The following PCSK2 variants were observed in gnomAD, a reference collection of about 807,000 sequenced individuals.
PCSK2 encodes neuroendocrine convertase 2.
PCSK2 carries 14 observed loss-of-function variants against 69.7 expected under a neutral mutation model. That is an observed-to-expected ratio of 0.20 (90% CI 0.13 to 0.31). The LOEUF (loss-of-function observed/expected upper bound fraction) is 0.31. PCSK2 is among the 10% of genes least tolerant of loss of function. The pLI, the probability that PCSK2 is intolerant of heterozygous loss-of-function variation, is 1.00. For missense variants in PCSK2, 544 were observed against 842.5 expected (o/e 0.65, Z 4.39); for synonymous variants, 307 against 320.7 (o/e 0.96, Z 0.46).
Position 17,434,773 on chromosome 20 carries a change from T to G in PCSK2, c.710-1935T>G, listed in dbSNP as rs2269010. Among the ~76,000 whole-genome samples the G allele has an allele frequency of 3.3e-5, 5 of 152,146 alleles. No homozygotes were observed. In the South Asian group the frequency reaches 1.0e-3, roughly 32 times the overall value. On this transcript the variant is annotated intron_variant, in intron 7 of 11. Coordinates refer to ENST00000262545, the MANE Select transcript of PCSK2 (RefSeq NM_002594.5). ...GTGGGCCATTCAGTCCTGGTCATCT[T>G]GGCACTAGGCAAGTTCAAGAGCATC...
chr20:17,263,064 G>A (rs1012589124), intron 2 of PCSK2: 1 of 788,602 alleles, frequency 1.3e-6, no homozygotes. Context: ...TCGCTTTCAG[G>A]GCTTCATCTA....
rs1182678090 is a variant in PCSK2, at chr20:17,453,247, A to G, written c.886-495A>G. 6.6e-6 allele frequency among the ~76,000 whole-genome samples: 1 copy of G among 152,190 alleles called. No homozygotes were observed. The highest frequency in any genetic ancestry group is 1.5e-5 in the Non-Finnish European group (1 of 68,028). ...TATATAGCTATTTAAAATAAAAGGT[A>G]TATATCTTCTATAAATGTTTTGTAT... On this transcript the variant is annotated intron_variant, in intron 8 of 11. Transcript: ENST00000262545. The surrounding 1 kb of genome is among the most constrained non-coding windows in gnomAD (Gnocchi z 4.0).
chr20:17,481,450 G>T, intron 11 of PCSK2, 134 bp from the exon 12 acceptor site: 1 of 598,140 alleles, frequency 1.7e-6, no homozygotes. Flanking sequence ...CACAGCCAGT[G>T]TGGGAACTAA....
At chr20:17,354,489 C>G (rs1276112785) in intron 2 of PCSK2, among the ~76,000 whole-genome samples, 1 of 152,130 alleles carries the variant, frequency 6.6e-6, no homozygotes, top group Non-Finnish European at 1.5e-5. Context: ...GGAAATATTT[C>G]TCTGACATTA....
chr20:17,425,127 G>A (rs1232292297), intron 6 of PCSK2, among the ~76,000 whole-genome samples: 1 of 152,090 alleles, frequency 6.6e-6, no homozygotes, highest in Admixed American at 6.5e-5. Context: ...AAAATGTTTG[G>A]CTTTGATAGA....
In PCSK2 at chr20:17,417,707, A is replaced by T. The variant is rs554827241; in HGVS notation, c.620+8368A>T. Among the ~76,000 whole-genome samples, 3 of 152,306 alleles carry T rather than the reference A, an allele frequency of 2.0e-5. No homozygotes were observed. The South Asian group carries it at 6.2e-4, about 32-fold the overall frequency. Reference sequence around the variant, plus strand: ...AGAATTTGAATAAAGCGTCCCTTCCATGAGTGTACGATATGTTTATTTCAA... The same window carrying T: ...AGAATTTGAATAAAGCGTCCCTTCCTTGAGTGTACGATATGTTTATTTCAA... On this transcript the variant is annotated intron_variant, in intron 6 of 11. Coordinates refer to ENST00000262545, the MANE Select transcript of PCSK2 (RefSeq NM_002594.5).
At chr20:17,438,631 A>G (rs1306831681) in intron 8 of PCSK2, among the ~76,000 whole-genome samples, 2 of 152,150 alleles carry the variant, frequency 1.3e-5, no homozygotes, top group Non-Finnish European at 2.9e-5. Flanking sequence ...GATCCCCTTT[A>G]CCAGGCCTGG....
At chr20:17,442,782 A>G (rs2032624409) in intron 8 of PCSK2, among the ~76,000 whole-genome samples, 1 of 152,186 alleles carries the variant, frequency 6.6e-6, no homozygotes, top group African/African-American at 2.4e-5. Flanking sequence ...AAGCCCTTTT[A>G]CGCCCCCTTC....
At chr20:17,289,270 C>T (rs930859442) in intron 2 of PCSK2, among the ~76,000 whole-genome samples, 1 of 152,014 alleles carries the variant, frequency 6.6e-6, no homozygotes, top group Non-Finnish European at 1.5e-5. Flanking sequence ...GATTTGTGTA[C>T]CTAAAACAAG....
chr20:17,246,137 G>T (rs111835896), intron 1 of PCSK2, among the ~76,000 whole-genome samples: 1 of 152,130 alleles, frequency 6.6e-6, no homozygotes, highest in Non-Finnish European at 1.5e-5. Flanking sequence ...TTGCAATCCA[G>T]GCATTCCGAG....
At chr20:17,230,776 T>C (rs761327767) in intron 1 of PCSK2, among the ~76,000 whole-genome samples, 42 of 152,370 alleles carry the variant, frequency 2.8e-4, no homozygotes, top group Non-Finnish European at 5.0e-4. Context: ...TTTAATTGTT[T>C]GTCAATTATT....
chr20:17,279,915 TTTTTA>T (rs1453086742), intron 2 of PCSK2, among the ~76,000 whole-genome samples: 25 of 152,332 alleles, frequency 1.6e-4, no homozygotes, highest in African/African-American at 5.8e-4. Context: ...CTTTTTTATT[TTTTTA>T]TTTTATTTTT....
chr20:17,353,810 T>C (rs1472169670), intron 2 of PCSK2, among the ~76,000 whole-genome samples: 1 of 152,216 alleles, frequency 6.6e-6, no homozygotes, highest in Non-Finnish European at 1.5e-5. Flanking sequence ...TGGAATACTA[T>C]GCAGCCATAA....
At chr20:17,392,399 C>T (rs2123274221) in intron 5 of PCSK2, among the ~76,000 whole-genome samples, 1 of 152,272 alleles carries the variant, frequency 6.6e-6, no homozygotes, top group African/African-American at 2.4e-5. Context: ...AATTTTCTAC[C>T]AGGAGAAGAG....
chr20:17,346,544 G>A (rs1990658451), intron 2 of PCSK2, among the ~76,000 whole-genome samples: 1 of 152,284 alleles, frequency 6.6e-6, no homozygotes, highest in East Asian at 1.9e-4. Context: ...CAATGTGCAT[G>A]GCCAAAGCTA....
chr20:17,426,810 C>T (rs192167752), intron 6 of PCSK2, among the ~76,000 whole-genome samples: 1 of 152,334 alleles, frequency 6.6e-6, no homozygotes. Context: ...GGCCCACGCA[C>T]ATTATGGAGG....
chr20:17,418,517 T>C (rs1186142475), intron 6 of PCSK2, among the ~76,000 whole-genome samples: 1 of 151,988 alleles, frequency 6.6e-6, no homozygotes, highest in Non-Finnish European at 1.5e-5. Flanking sequence ...GCAAGTGAGG[T>C]GGAGCATAAA....
intron 2 of PCSK2, among the ~76,000 whole-genome samples, chr20:17,285,142 G>A (rs1337735252): frequency 6.6e-6 from 1 of 152,162 alleles, no homozygotes; most frequent in Non-Finnish European, 1.5e-5. Context: ...CTATATTTCT[G>A]TCCAGAATTC....
At chr20:17,420,059 C>T (rs1041329256) in intron 6 of PCSK2, among the ~76,000 whole-genome samples, 4 of 152,204 alleles carry the variant, frequency 2.6e-5, no homozygotes, top group African/African-American at 9.7e-5. Flanking sequence ...GAACATTTAT[C>T]TCTTTGTGAG....
Sources: allele counts gnomAD v4.1 joint callset (sites outside exome capture counted in the v4.1 genomes callset), GRCh38; gene constraint gnomAD v4.1.1; non-coding constraint Gnocchi (gnomAD v3.1); transcripts MANE v1.5; gene names NCBI Gene and HGNC (gene_info 2026-07-23, HGNC 2026-07-21).